Variants in NEO1 observed in about 807,000 individuals in gnomAD.
NEO1 encodes the protein neogenin.
Under a neutral mutation model 159.7 loss-of-function variants are expected in NEO1, and 63 were observed. The ratio of observed to expected loss-of-function variants is 0.39; its 90% confidence interval spans 0.32 to 0.49. NEO1 has a LOEUF of 0.49. Ranked by LOEUF, NEO1 falls within the 20% of genes least tolerant of loss-of-function variation. The probability of loss-of-function intolerance (pLI) is 0.85; values close to 1 mark genes in which losing one functional copy is unlikely to be tolerated. For missense variants in NEO1, 1,615 were observed against 1,831.0 expected (o/e 0.88, Z 2.15); for synonymous variants, 633 against 662.0 (o/e 0.96, Z 0.67).
intron 1 of NEO1, among the ~76,000 whole-genome samples, chr15:73,066,035 CTTT>C (rs11400510): frequency 2.1e-5 from 3 of 139,756 alleles, no homozygotes; most frequent in Non-Finnish European, 3.1e-5. Flanking sequence ...TCTTTCTTTT[CTTT>C]TTTTTTTTTT....
chr15:73,172,901 G>A (rs925765257), intron 5 of NEO1, among the ~76,000 whole-genome samples: 6 of 152,118 alleles, frequency 3.9e-5, no homozygotes, highest in Admixed American at 3.3e-4. Flanking sequence ...GTCCCATTTG[G>A]GGATTTGACA....
At chr15:73,169,896 C>T (rs2034839679) in intron 5 of NEO1, among the ~76,000 whole-genome samples, 3 of 151,608 alleles carry the variant, frequency 2.0e-5, no homozygotes, top group Admixed American at 2.0e-4. Context: ...TTATAATTTT[C>T]ATAATGGAAT....
chr15:73,260,095 G>A (rs934653847), intron 14 of NEO1, among the ~76,000 whole-genome samples, 176 bp from the exon 15 acceptor site: 11 of 143,968 alleles, frequency 7.6e-5, no homozygotes, highest in Non-Finnish European at 1.5e-4. Flanking sequence ...TTAGAATGCA[G>A]TAAAATCATG....
intron 5 of NEO1, among the ~76,000 whole-genome samples, chr15:73,148,630 C>G (rs898465829): frequency 1.3e-5 from 2 of 152,194 alleles, no homozygotes; most frequent in African/African-American, 4.8e-5. Context: ...CAGGTCCCCA[C>G]AGGAGCATTT....
intron 1 of NEO1, among the ~76,000 whole-genome samples, chr15:73,053,370 C>T (rs1293011515): frequency 2.0e-5 from 3 of 152,102 alleles, no homozygotes; most frequent in Admixed American, 1.3e-4. Context: ...CAATTGCCCG[C>T]TCACAACCCC....
Position 73,205,549 on chromosome 15 carries a change from C to T in NEO1, c.1291+27122C>T, listed in dbSNP as rs2037162548. ...GAGGGAATGTCCACAGAAATGTAGT[C>T]ACCCCTAAGACTGTGGCCCCCAGGA... On this transcript the variant is annotated intron_variant, in intron 7 of 28. Coordinates refer to ENST00000261908, the MANE Select transcript of NEO1 (RefSeq NM_002499.4). Among the ~76,000 whole-genome samples, 4 of 152,328 alleles carry T rather than the reference C, an allele frequency of 2.6e-5. No individual in the cohort carries two copies. The South Asian group carries it at 6.2e-4, about 24-fold the overall frequency.
At position 73,122,099 on chromosome 15, in the gene NEO1, AT is replaced by A. The variant is rs1466693323; in HGVS notation, c.449-424del. ...TATATATATATATATATATATACAC[AT>A]TATATATATTATATATATGTATAGC... On this transcript the variant is annotated intron_variant, in intron 2 of 28. Coordinates refer to ENST00000261908, the MANE Select transcript of NEO1 (RefSeq NM_002499.4). Among the ~76,000 whole-genome samples the A allele has an allele frequency of 2.7e-4, 19 of 69,298 alleles. 1 individual carries two copies. Among genetic ancestry groups the A allele is most frequent in the South Asian group, 1.3e-3 (3 of 2,246 alleles). The allele number at this position is 69,298 out of a possible 152,430, so 45.5% of individuals were successfully genotyped here.
intron 11 of NEO1, among the ~76,000 whole-genome samples, chr15:73,251,084 T>G (rs1371305705): frequency 1.3e-5 from 2 of 152,208 alleles, no homozygotes; most frequent in East Asian, 3.8e-4. Context: ...GATAAATCTG[T>G]ATACATATAC....
chr15:73,096,436 A>G (rs974454933), intron 1 of NEO1, among the ~76,000 whole-genome samples: 2 of 152,218 alleles, frequency 1.3e-5, no homozygotes, highest in African/African-American at 2.4e-5. Flanking sequence ...ACAAAGCACA[A>G]TCAAAGCATT....
At chr15:73,174,337 G>T (rs2035158444) in intron 5 of NEO1, among the ~76,000 whole-genome samples, 1 of 152,084 alleles carries the variant, frequency 6.6e-6, no homozygotes, top group South Asian at 2.1e-4. Context: ...CTGCTGGGAG[G>T]CCTCAGAGCT....
intron 4 of NEO1, among the ~76,000 whole-genome samples, chr15:73,133,200 T>TATAC (rs1555433905): frequency 6.6e-6 from 1 of 152,194 alleles, no homozygotes; most frequent in East Asian, 1.9e-4. Flanking sequence ...TATATATATA[T>TATAC]ACACATACTA....
intron 8 of NEO1, among the ~76,000 whole-genome samples, chr15:73,243,525 C>T (rs959434711): frequency 1.3e-5 from 2 of 152,126 alleles, no homozygotes; most frequent in African/African-American, 4.8e-5. Flanking sequence ...TTGTTGAAAA[C>T]TCTTGATTAT....
At chr15:73,124,790 C>T (rs1204766039) in intron 3 of NEO1, among the ~76,000 whole-genome samples, 1 of 152,186 alleles carries the variant, frequency 6.6e-6, no homozygotes, top group Non-Finnish European at 1.5e-5. Flanking sequence ...ACTTGTCTCT[C>T]TCCCTCATTA....
intron 26 of NEO1, 64 bp from the exon 27 acceptor site, chr15:73,298,284 A>C: frequency 6.3e-7 from 1 of 1,595,242 alleles, no homozygotes; most frequent in East Asian, 2.2e-5. Context: ...AAGTAGCCAA[A>C]CTGTGGGACT....
chr15:73,213,252 A>G (rs2037682160), intron 7 of NEO1, among the ~76,000 whole-genome samples: 1 of 151,984 alleles, frequency 6.6e-6, no homozygotes, highest in Non-Finnish European at 1.5e-5. Context: ...TTGGTCATTT[A>G]TTGGATTTCT....
chr15:73,083,165 G>C (rs531146365), intron 1 of NEO1, among the ~76,000 whole-genome samples: 1 of 152,286 alleles, frequency 6.6e-6, no homozygotes, highest in South Asian at 2.1e-4. Context: ...GTTAAGCAGT[G>C]TCAGATCAGA....
chr15:73,245,132 C>G (rs1400942423), intron 9 of NEO1, among the ~76,000 whole-genome samples: 1 of 152,018 alleles, frequency 6.6e-6, no homozygotes, highest in East Asian at 1.9e-4. Flanking sequence ...AGATATTTAT[C>G]ACGTTTTTCC....
intron 1 of NEO1, among the ~76,000 whole-genome samples, chr15:73,057,605 A>AT (rs1224934581): frequency 6.6e-6 from 1 of 152,206 alleles, no homozygotes; most frequent in Non-Finnish European, 1.5e-5. Context: ...GTGAAAGATG[A>AT]TTTTAAAATA....
intron 4 of NEO1, among the ~76,000 whole-genome samples, chr15:73,134,068 G>C (rs1214143091): frequency 6.6e-6 from 1 of 152,080 alleles, no homozygotes; most frequent in East Asian, 1.9e-4. Context: ...TGAACATTAA[G>C]TTTTTTGTTT....
Sources: allele counts gnomAD v4.1 joint callset (sites outside exome capture counted in the v4.1 genomes callset), GRCh38; gene constraint gnomAD v4.1.1; transcripts MANE v1.5; gene names NCBI Gene and HGNC (gene_info 2026-07-23, HGNC 2026-07-21).